STAG3: variants seen among roughly 807,000 people sequenced by gnomAD.
STAG3 encodes cohesin subunit SA-3.
Under a neutral mutation model 160.7 loss-of-function variants are expected in STAG3, and 101 were observed. The observed-to-expected ratio is 0.63, with a 90% CI of 0.54 to 0.74. STAG3 has a LOEUF of 0.74. Ranked by LOEUF, STAG3 falls within the 30% of genes least tolerant of loss-of-function variation. STAG3 has a pLI of 0.00. For missense variants in STAG3, 1,188 were observed against 1,517.4 expected, an observed-to-expected ratio of 0.78 and a Z score of 3.61; for synonymous variants, 519 against 585.0, an observed-to-expected ratio of 0.89 and a Z score of 1.63.
intron 4 of STAG3, among the ~76,000 whole-genome samples, chr7:100,185,243 A>G (rs2117104297): frequency 6.6e-6 from 1 of 152,274 alleles, no homozygotes; most frequent in East Asian, 1.9e-4. Context: ...AGCCTGGGCA[A>G]CATGAGTTTC....
In STAG3 at chr7:100,211,205, C is replaced by CT. The variant is rs1554414991; in HGVS notation, c.3413+21dup. ...CCAGGGGTGAGGCCATGGAGGGAAT[C>CT]TGGGTGTCTGAGTTCCCAGTTTGGT... is the stretch of plus-strand genomic sequence containing the variant. On this transcript the variant is annotated intron_variant, in intron 30 of 33. Coordinates refer to ENST00000615138, the MANE Select transcript of STAG3 (RefSeq NM_001282717.2). The CT allele has an allele frequency of 6.5e-7, 1 of 1,541,252 alleles. No individual in the cohort carries two copies. The highest frequency in any genetic ancestry group is 1.4e-5 in the African/African-American group (1 of 72,350).
In STAG3 at chr7:100,188,939, T is replaced by G; in HGVS notation, c.638T>G (p.Met213Arg). 1 of 1,614,228 alleles carries G rather than the reference T, an allele frequency of 6.2e-7. No individual in the cohort carries two copies. The highest frequency in any genetic ancestry group is 1.7e-5 in the Admixed American group (1 of 60,026). ...AGCCTCCTCTATGATGGCTTCCCTA[T>G]GGACGACCTCATCTCCCTGCTCACT... ...QYSLLYDGFP[M>R]DDLISLLTGL... Residue 213 changes from methionine (M) to arginine (R), a missense_variant, in exon 7 of 34, where the codon ATG becomes AGG. Coordinates refer to ENST00000615138, the MANE Select transcript of STAG3 (RefSeq NM_001282717.2).
chr7:100,199,468 C>T (rs760850659), intron 15 of STAG3, 73 bp from the exon 16 acceptor site: 464 of 1,554,150 alleles, frequency 3.0e-4, no homozygotes, highest in Non-Finnish European at 3.5e-4. Context: ...ACGGTGGCAT[C>T]GGGTGGGGGG....
chr7:100,194,030 C>A (rs955695387), intron 8 of STAG3, among the ~76,000 whole-genome samples: 1 of 151,450 alleles, frequency 6.6e-6, no homozygotes. Flanking sequence ...TCACCACAAC[C>A]TCCATCTCCT....
downstream of STAG3, among the ~76,000 whole-genome samples, chr7:100,216,765 C>A (rs1182600469): frequency 6.6e-6 from 1 of 150,580 alleles, no homozygotes; most frequent in Non-Finnish European, 1.5e-5. Flanking sequence ...AGCAAGACTC[C>A]GTTTCAAAAA....
At chr7:100,181,709 A>C (rs533891691) in intron 2 of STAG3, among the ~76,000 whole-genome samples, 11 of 152,164 alleles carry the variant, frequency 7.2e-5, no homozygotes, top group African/African-American at 2.7e-4. Flanking sequence ...ACACTTTGGG[A>C]GGCCGAGGCG....
At position 100,202,495 on chromosome 7, in the gene STAG3, C is replaced by T. The variant is rs745619072; in HGVS notation, c.2605C>T (p.Gln869Ter). The T allele has an allele frequency of 3.1e-6, 5 of 1,614,196 alleles. No individual in the cohort carries two copies. In the South Asian group the frequency reaches 4.4e-5, roughly 14 times the overall value. Reference protein sequence around the residue: ...EDHLQIERLHQRRRLLAGFCK... With the variant: ...EDHLQIERLH ...TCATTTACAGATAGAGCGGCTACAC[C>T]AGCGGCGCCGCCTCCTAGCCGGGTT... is the stretch of plus-strand genomic sequence containing the variant. Residue 869 changes from glutamine (Q) to a stop codon, truncating the protein, a stop_gained, in exon 25 of 34, where the codon CAG becomes TAG. Transcript: ENST00000615138. LOFTEE classifies it high-confidence loss of function.
intron 8 of STAG3, among the ~76,000 whole-genome samples, chr7:100,190,566 T>C (rs1800289681): frequency 1.3e-5 from 2 of 152,212 alleles, no homozygotes; most frequent in Non-Finnish European, 2.9e-5. Context: ...CTTTTTTGGC[T>C]TCTCTGGGCT....
At chr7:100,178,859 C>T (rs1258422483) in intron 1 of STAG3, among the ~76,000 whole-genome samples, 4 of 149,958 alleles carry the variant, frequency 2.7e-5, no homozygotes, top group African/African-American at 9.8e-5. Context: ...GACAGAGTCT[C>T]GCTCTGTTTC....
chr7:100,209,263 T>C (rs1436449795), intron 29 of STAG3, among the ~76,000 whole-genome samples: 3 of 152,176 alleles, frequency 2.0e-5, no homozygotes, highest in African/African-American at 7.2e-5. Context: ...CAGGAGCCAT[T>C]TCAGCCTATT....
At chr7:100,185,393 G>T (rs1473972498) in intron 4 of STAG3, among the ~76,000 whole-genome samples, 1 of 152,034 alleles carries the variant, frequency 6.6e-6, no homozygotes, top group African/African-American at 2.4e-5. Context: ...TCAGGAGTTC[G>T]AGATCAGCCT....
rs770935318 is a variant in STAG3, at chr7:100,211,525, C to A, written c.3504C>A (p.Gly1168=). ...TPHNPSGPGL[G]NQLMRLSLME... ...ACAACCCTTCAGGTCCTGGCCTGGG[C>A]AACCAGCTGATGCGGTGAGCTTTTC... Residue 1168 remains glycine, a synonymous_variant, in exon 31 of 34, where the codon GGC becomes GGA. Transcript: ENST00000615138. 6 of 1,613,892 alleles carry A rather than the reference C, an allele frequency of 3.7e-6. No individual in the cohort carries two copies. Among genetic ancestry groups the A allele is most frequent in the South Asian group, 1.1e-5 (1 of 91,042 alleles).
In STAG3 at chr7:100,200,282, A is replaced by G. The variant is rs140336185; in HGVS notation, c.1724A>G (p.Lys575Arg). 8.4e-5 allele frequency: 135 copies of G among 1,613,538 alleles called. No individual in the cohort carries two copies. The highest frequency in any genetic ancestry group is 1.7e-4 in the Middle Eastern group (1 of 5,784). Residue 575 changes from lysine (K) to arginine (R), a missense_variant, in exon 17 of 34, where the codon AAG (lysine) becomes AGG (arginine). Physicochemically the swap from Lys to Arg is conservative, Grantham distance 26. Around this residue, in one of 4 missense-constraint regions of STAG3, gnomAD observed 240 missense variants for 358.1 expected, o/e 0.67. Coordinates refer to ENST00000615138, the MANE Select transcript of STAG3 (RefSeq NM_001282717.2). ...ERKTQADDRVKLTEHLIPLLP... is the reference protein window; with the variant it reads ...ERKTQADDRVRLTEHLIPLLP... Reference sequence around the variant, plus strand: ...AAGACCCAAGCCGATGACAGGGTGAAGTTGACTGAGCACCTCATCCCCCTG... The same window carrying G: ...AAGACCCAAGCCGATGACAGGGTGAGGTTGACTGAGCACCTCATCCCCCTG...
Position 100,211,804 on chromosome 7 carries a change from T to G in STAG3, c.3528T>G (p.Leu1176=), listed in dbSNP as rs761958646. 1.2e-6 allele frequency: 2 copies of G among 1,614,026 alleles called. No individual in the cohort carries two copies. The highest frequency in any genetic ancestry group is 1.7e-6 in the Non-Finnish European group (2 of 1,179,992). ...TTTGCCCCTACATCAGACTCAGCCT[T>G]ATGGAAGAGGACGAGGAAGAAGAGT... ...GLGNQLMRLS[L]MEEDEEEELE... Residue 1176 remains leucine, a synonymous_variant, in exon 32 of 34, where the codon CTT becomes CTG. Transcript: ENST00000615138.
At chr7:100,213,676 T>C (rs1401520226) in intron 32 of STAG3, 59 bp from the exon 33 acceptor site, 1 of 1,612,838 alleles carries the variant, frequency 6.2e-7, no homozygotes, top group Admixed American at 1.7e-5. Context: ...GGTTTTTTTA[T>C]TTGCGAAGTG....
chr7:100,180,809 C>T, intron 2 of STAG3, 137 bp downstream of exon 2: 1 of 623,620 alleles, frequency 1.6e-6, no homozygotes, highest in Non-Finnish European at 2.9e-6. Context: ...ACAGTGACAC[C>T]CTCCCTCCAG....
chr7:100,183,032 T>TC lies in STAG3; in HGVS notation c.336+193_336+194insC, dbSNP rs756152551. On this transcript the variant is annotated intron_variant, in intron 4 of 33. Coordinates refer to ENST00000615138, the MANE Select transcript of STAG3 (RefSeq NM_001282717.2). ...AGAGAGCATGTTCTTTTTTTTTTTT[T>TC]AGACAGAGTCTCTTTCTGTCGCCCA... is the stretch of plus-strand genomic sequence containing the variant. 3.4e-3 allele frequency among the ~76,000 whole-genome samples: 521 copies of TC among 151,788 alleles called. 6 individuals carry two copies. Among genetic ancestry groups the TC allele is most frequent in the African/African-American group, 0.012 (483 of 41,458 alleles).
At position 100,199,459 on chromosome 7, in the gene STAG3, C is replaced by T. The variant is rs879341671; in HGVS notation, c.1574-82C>T. ...TTGCTTCACTTGTACAAGGCAGCAA[C>T]GGTGGCATCGGGTGGGGGGAGCTTG... On this transcript the variant is annotated intron_variant, in intron 15 of 33. Transcript: ENST00000615138. 3.4e-4 allele frequency: 527 copies of T among 1,544,476 alleles called. 1 individual carries two copies. Among genetic ancestry groups the T allele is most frequent in the Non-Finnish European group, 4.1e-4 (456 of 1,123,260 alleles).
At chr7:100,214,465 GA>G (rs1459889885), downstream of STAG3, 48 of 207,192 alleles carry the variant, frequency 2.3e-4, no homozygotes, top group Non-Finnish European at 4.1e-4. Context: ...CCAGCATATA[GA>G]TGTCCCCACA....
Sources: allele counts gnomAD v4.1 joint callset (sites outside exome capture counted in the v4.1 genomes callset), GRCh38; gene constraint gnomAD v4.1.1; regional missense constraint gnomAD v4.1.1; transcripts MANE v1.5; gene names NCBI Gene and HGNC (gene_info 2026-07-23, HGNC 2026-07-21).